Variants in VARS1 observed in about 807,000 individuals in gnomAD.
VARS1 encodes the protein valine--tRNA ligase.
VARS1 carries 92 observed loss-of-function variants against 161.0 expected under a neutral mutation model. The ratio of observed to expected loss-of-function variants is 0.57; its 90% confidence interval spans 0.48 to 0.68. The LOEUF (loss-of-function observed/expected upper bound fraction) is 0.68, where lower values mean the gene tolerates loss of function less well. Ranked by LOEUF, VARS1 falls within the 30% of genes least tolerant of loss-of-function variation. The pLI is 0.00. For missense variants in VARS1, 1,338 were observed against 1,695.9 expected, an observed-to-expected ratio of 0.79 and a Z score of 3.71; for synonymous variants, 595 against 682.5, an observed-to-expected ratio of 0.87 and a Z score of 2.00.
rs980564718 is a variant in VARS1 at position 31,794,854 on chromosome 6, G to A, written c.364C>T (p.Arg122Ter). 2 of 1,605,836 alleles carry A rather than the reference G, an allele frequency of 1.2e-6. No homozygotes were observed. Among genetic ancestry groups the A allele is most frequent in the South Asian group, 2.2e-5 (2 of 90,798 alleles). The part of the protein sequence containing the change: ...CGATLPALGL[R>*]SSAQDPQAVL... The stretch of plus-strand genomic sequence containing the variant: ...ACCTGGGGGTCCTGGGCCGAGCTTC[G>A]GAGTCCCAGGGCCGGCAGCGTTGCT... Residue 122 changes from arginine (R) to a stop codon, truncating the protein, a stop_gained, in exon 2 of 30, where the codon CGA becomes TGA. Transcript: ENST00000375663. LOFTEE classifies it high-confidence loss of function.
rs753827366 is a variant in VARS1 at position 31,781,105 on chromosome 6, C to T, written c.2563G>A (p.Val855Met). The T allele has an allele frequency of 8.1e-6, 13 of 1,613,120 alleles. No homozygotes were observed. The highest frequency in any genetic ancestry group is 7.7e-5 in the South Asian group (7 of 91,092). The change falls in exon 22 of 30, where the codon GTG becomes ATG. Residue 855 changes from valine (V) to methionine (M), a missense_variant. Physicochemically the swap from Val to Met is conservative, Grantham distance 21. Around this residue, in one of 3 missense-constraint regions of VARS1, gnomAD observed 433 missense variants for 586.2 expected, o/e 0.74. Transcript: ENST00000375663. This position sits in a 1 kb window ranked among gnomAD's most constrained non-coding sequence, Gnocchi z 6.8. ...ATCTTCCGGCCGTGAGCATCTCGCACGATGGCATGGAGGTAGACCTGCAGA... is the reference window on the plus strand; with the variant it reads ...ATCTTCCGGCCGTGAGCATCTCGCATGATGGCATGGAGGTAGACCTGCAGA... ...PFREVYLHAIVRDAHGRKMSK... is the reference protein window; with the variant it reads ...PFREVYLHAIMRDAHGRKMSK...
At position 31,778,282 on chromosome 6, in the gene VARS1, G is replaced by C. The variant is rs1451486188; in HGVS notation, c.3727-620C>G. 6.3e-6 allele frequency: 1 copy of C among 157,484 alleles called. No homozygotes were observed. The highest frequency in any genetic ancestry group is 2.4e-5 in the African/African-American group (1 of 41,470). The allele number at this position is 157,484 out of a possible 1,614,324, so 9.8% of individuals were successfully genotyped here. A position where few individuals can be genotyped will look rare whatever the true frequency, so the allele number is the denominator to read the frequency against. On this transcript the variant is annotated intron_variant, in intron 29 of 29. Coordinates refer to ENST00000375663, the MANE Select transcript of VARS1 (RefSeq NM_006295.3). This position sits in a 1 kb window ranked among gnomAD's most constrained non-coding sequence, Gnocchi z 5.1. ...AGGTTTCCACATTTTGGGCAGCTGG[G>C]TGGGGTACGAAGGGTCTGGCTGGGA...
chr6:31,793,040 G>T lies in VARS1; in HGVS notation c.468C>A (p.Ala156=). The T allele has an allele frequency of 6.2e-7, 1 of 1,613,058 alleles. No homozygotes were observed. The highest frequency in any genetic ancestry group is 1.1e-5 in the South Asian group (1 of 91,088). Residue 156 remains alanine, a synonymous_variant, in exon 3 of 30, where the codon GCC becomes GCA. Coordinates refer to ENST00000375663, the MANE Select transcript of VARS1 (RefSeq NM_006295.3). ...LRLHTYLAGE[A]PTLADLAAVT... ...CAGCCGCCAGGTCAGCCAGAGTGGG[G>T]GCCTCCCCGGCCAAGTAGGTGTGCA...
chr6:31,779,320 T>C lies in VARS1; in HGVS notation c.3401-28A>G. ...GCCAGGGAGGGAGAAAGGTGAGGCC[T>C]AGCTCCATGGAGACAGGAAACCAAG... On this transcript the variant is annotated intron_variant, in intron 28 of 29. Transcript: ENST00000375663. The surrounding 1 kb of genome is among the most constrained non-coding windows in gnomAD (Gnocchi z 9.1). 3 of 1,601,118 alleles carry C rather than the reference T, an allele frequency of 1.9e-6. No homozygotes were observed. Among genetic ancestry groups the C allele is most frequent in the Non-Finnish European group, 1.7e-6 (2 of 1,179,328 alleles).
Position 31,785,851 on chromosome 6 carries a change from C to T in VARS1, c.1101-118G>A. The T allele has an allele frequency of 1.5e-6, 2 of 1,326,760 alleles. No homozygotes were observed. Among genetic ancestry groups the T allele is most frequent in the Non-Finnish European group, 2.0e-6 (2 of 990,520 alleles). The allele number at this position is 1,326,760 out of a possible 1,614,324, so 82.2% of individuals were successfully genotyped here. On this transcript the variant is annotated intron_variant, in intron 8 of 29. Coordinates refer to ENST00000375663, the MANE Select transcript of VARS1 (RefSeq NM_006295.3). This position sits in a 1 kb window ranked among gnomAD's most constrained non-coding sequence, Gnocchi z 6.1. ...TAAATAAAGAAGCAGGGAGGCCGGA[C>T]GCGGTGGCTCACGCCTGTAATCCCA...
Position 31,781,000 on chromosome 6 carries a change from G to T in VARS1, c.2649+19C>A. On this transcript the variant is annotated intron_variant, in intron 22 of 29. Coordinates refer to ENST00000375663, the MANE Select transcript of VARS1 (RefSeq NM_006295.3). This position sits in a 1 kb window ranked among gnomAD's most constrained non-coding sequence, Gnocchi z 5.1. The stretch of plus-strand genomic sequence containing the variant: ...CACAGCCCCACGGCCCTTCCTGGCT[G>T]GCCCAGCACCCAGCCCACCTGCAGG... The T allele has an allele frequency of 6.2e-7, 1 of 1,614,048 alleles. No homozygotes were observed. The highest frequency in any genetic ancestry group is 1.1e-5 in the South Asian group (1 of 91,092).
rs965187270 is a variant in VARS1 at position 31,784,549 on chromosome 6, G to A, written c.1467+46C>T. 1 of 1,613,616 alleles carries A rather than the reference G, an allele frequency of 6.2e-7. No homozygotes were observed. The highest frequency in any genetic ancestry group is 1.3e-5 in the African/African-American group (1 of 75,076). On this transcript the variant is annotated intron_variant, in intron 11 of 29. Coordinates refer to ENST00000375663, the MANE Select transcript of VARS1 (RefSeq NM_006295.3). The surrounding 1 kb of genome is among the most constrained non-coding windows in gnomAD (Gnocchi z 6.1). ...GCGTGGCCCAGGGGCCAGGGCCAGG[G>A]CCAGGGTAGATTGGAGATGGAGACA...
chr6:31,784,103 TA>T lies in VARS1; in HGVS notation c.1671+110del. 8.1e-7 allele frequency: 1 copy of T among 1,237,940 alleles called. No individual in the cohort carries two copies. Among genetic ancestry groups the T allele is most frequent in the Non-Finnish European group, 1.2e-6 (1 of 865,868 alleles). The allele number at this position is 1,237,940 out of a possible 1,614,324, so 76.7% of individuals were successfully genotyped here. On this transcript the variant is annotated intron_variant, in intron 13 of 29. Transcript: ENST00000375663. This position sits in a 1 kb window ranked among gnomAD's most constrained non-coding sequence, Gnocchi z 6.1. ...GGGAAAGAAGCTGAAGACCAGTTTC[TA>T]ACCCAGTTTCCTCTCCTCAGCCAGG...
rs901902705 is a variant in VARS1, at chr6:31,778,045, G to A, written c.3727-383C>T. The A allele has an allele frequency of 1.0e-5, 3 of 286,000 alleles. No homozygotes were observed. The highest frequency in any genetic ancestry group is 2.2e-5 in the African/African-American group (1 of 46,140). 17.7% of individuals were successfully genotyped at this position (286,000 alleles called of 1,614,324 possible). A position where few individuals can be genotyped will look rare whatever the true frequency, so the allele number is the denominator to read the frequency against. On this transcript the variant is annotated intron_variant, in intron 29 of 29. Coordinates refer to ENST00000375663, the MANE Select transcript of VARS1 (RefSeq NM_006295.3). The surrounding 1 kb of genome is among the most constrained non-coding windows in gnomAD (Gnocchi z 5.1). ...GGGAGAACCAAGTGAGATTAACCAC[G>A]TCCACTCAAGGCTCTCTAGCTCTTG...
chr6:31,792,791 T>C lies in VARS1; in HGVS notation c.627A>G (p.Leu209=). ...EFRAVLGEVV[L]YSGARPLSHQ... Reference sequence around the variant, plus strand: ...GAGAGAGAGGCCTGGCTCCTGAGTATAGAACCACTTCTCCTAGCACGGCTC... The same window carrying C: ...GAGAGAGAGGCCTGGCTCCTGAGTACAGAACCACTTCTCCTAGCACGGCTC... The change falls in exon 4 of 30, where the codon CTA becomes CTG. Residue 209 remains leucine (L), a synonymous_variant. Transcript: ENST00000375663. 3.1e-6 allele frequency: 5 copies of C among 1,614,184 alleles called. No homozygotes were observed. The highest frequency in any genetic ancestry group is 4.2e-6 in the Non-Finnish European group (5 of 1,180,030).
At chr6:31,789,108 A>G (rs1490261004) in intron 8 of VARS1, among the ~76,000 whole-genome samples, 5 of 152,140 alleles carry the variant, frequency 3.3e-5, no homozygotes, top group African/African-American at 1.2e-4. Context: ...ATCACTAATT[A>G]AAATATTAAC....
rs1813082083 is a variant in VARS1, at chr6:31,780,705, C to T, written c.2797G>A (p.Gly933Ser). 1.9e-6 allele frequency: 3 copies of T among 1,613,990 alleles called. No individual in the cohort carries two copies. Among genetic ancestry groups the T allele is most frequent in the South Asian group, 1.1e-5 (1 of 91,094 alleles). Residue 933 changes from glycine to serine, a missense_variant and splice_region_variant, in exon 24 of 30, where the codon GGT (glycine) becomes AGT (serine). Coordinates refer to ENST00000375663, the MANE Select transcript of VARS1 (RefSeq NM_006295.3). This position sits in a 1 kb window ranked among gnomAD's most constrained non-coding sequence, Gnocchi z 5.1. ...GGGAGGGACGCTTTGGGGGCCATAC[C>T]CTGGGACATGTAGGCACATAATCCA... ...RFGLCAYMSQ[G>S]RDINLDVNRI...
At position 31,784,209 on chromosome 6, in the gene VARS1, C is replaced by G. The variant is rs1813337653; in HGVS notation, c.1671+5G>C. 6.2e-7 allele frequency: 1 copy of G among 1,614,052 alleles called. No individual in the cohort carries two copies. The highest frequency in any genetic ancestry group is 1.7e-5 in the Admixed American group (1 of 60,012). On this transcript the variant is annotated splice_donor_5th_base_variant and intron_variant, in intron 13 of 29. Transcript: ENST00000375663. The surrounding 1 kb of genome is among the most constrained non-coding windows in gnomAD (Gnocchi z 6.1). ...CTCCTTCCCTAACTGTGGACAGTCC[C>G]CCACCTGGTATCTGGTATCTTTGGG...
At chr6:31,793,869 G>A (rs544700378) in intron 2 of VARS1, among the ~76,000 whole-genome samples, 3 of 152,042 alleles carry the variant, frequency 2.0e-5, no homozygotes, top group Non-Finnish European at 2.9e-5. Context: ...TTGGGAGGCC[G>A]AGGCGAGCAG....
chr6:31,782,566 C>A lies in VARS1; in HGVS notation c.1955G>T (p.Gly652Val). Residue 652 changes from glycine to valine, a missense_variant, in exon 16 of 30, where the codon GGC (glycine) becomes GTC (valine). Gly to Val is a moderately radical substitution (Grantham distance 109). Coordinates refer to ENST00000375663, the MANE Select transcript of VARS1 (RefSeq NM_006295.3). The surrounding 1 kb of genome is among the most constrained non-coding windows in gnomAD (Gnocchi z 8.3). The stretch of plus-strand genomic sequence containing the variant: ...CACCACCATGGGGTTGTCCTCAATG[C>A]CACGGAACAGTCCCCGCTCCTTCAG... ...VALKERGLFR[G>V]IEDNPMVVPL... is the part of the protein sequence containing the mutation. 3.7e-6 allele frequency: 6 copies of A among 1,613,098 alleles called. No individual in the cohort carries two copies. The highest frequency in any genetic ancestry group is 5.1e-6 in the Non-Finnish European group (6 of 1,180,042).
At chr6:31,792,090 G>A in intron 6 of VARS1, 119 bp from the exon 7 acceptor site, 12 of 1,456,320 alleles carry the variant, frequency 8.2e-6, no homozygotes, top group Non-Finnish European at 1.1e-5. Context: ...CATTTGAGGG[G>A]CCTAGAGGCA....
intron 8 of VARS1, among the ~76,000 whole-genome samples, chr6:31,787,695 G>T (rs575693442): frequency 8.6e-5 from 13 of 151,730 alleles, no homozygotes; most frequent in Non-Finnish European, 1.9e-4. Flanking sequence ...CAAACTTGGA[G>T]GCCAGGTATG....
chr6:31,781,338 CT>C lies in VARS1; in HGVS notation c.2544+142del. 7.3e-7 allele frequency: 1 copy of C among 1,360,960 alleles called. No homozygotes were observed. Among genetic ancestry groups the C allele is most frequent in the East Asian group, 2.5e-5 (1 of 39,874 alleles). 84.3% of individuals were successfully genotyped at this position (1,360,960 alleles called of 1,614,324 possible). On this transcript the variant is annotated intron_variant, in intron 21 of 29. Coordinates refer to ENST00000375663, the MANE Select transcript of VARS1 (RefSeq NM_006295.3). The surrounding 1 kb of genome is among the most constrained non-coding windows in gnomAD (Gnocchi z 6.8). The stretch of plus-strand genomic sequence containing the variant: ...CAGGAATCACTGAGCAGGGCCCAGG[CT>C]GGATTTCAACCCCACACCAGCCCCC...
chr6:31,782,865 C>A lies in VARS1; in HGVS notation c.1763-20G>T. The A allele has an allele frequency of 6.2e-7, 1 of 1,604,434 alleles. No homozygotes were observed. On this transcript the variant is annotated intron_variant, in intron 14 of 29. Transcript: ENST00000375663. This position sits in a 1 kb window ranked among gnomAD's most constrained non-coding sequence, Gnocchi z 8.3. The stretch of plus-strand genomic sequence containing the variant: ...CAGCACCTGGGTGTACATCAGGATG[C>A]CCAGGTCATGAGGGACTCCACGGAG...
Sources: allele counts gnomAD v4.1 joint callset (sites outside exome capture counted in the v4.1 genomes callset), GRCh38; gene constraint gnomAD v4.1.1; regional missense constraint gnomAD v4.1.1; non-coding constraint Gnocchi (gnomAD v3.1); transcripts MANE v1.5; gene names NCBI Gene and HGNC (gene_info 2026-07-23, HGNC 2026-07-21).